Variants in SLC35A1 observed in about 807,000 individuals in gnomAD.
SLC35A1 encodes the protein CMP-sialic acid transporter.
In SLC35A1, 21 loss-of-function variants were observed where a neutral mutation model predicts 40.3. The ratio of observed to expected loss-of-function variants is 0.52; its 90% CI spans 0.37 to 0.75. The LOEUF is 0.75. SLC35A1 is among the 30% of genes least tolerant of loss of function. SLC35A1 has a pLI of 0.00. For synonymous variants in SLC35A1, 146 were observed against 147.3 expected (o/e 0.99, Z 0.06); for missense variants, 297 against 382.1 (o/e 0.78, Z 1.86).
chr6:87,500,085 C>T (rs1399967471), intron 2 of SLC35A1, among the ~76,000 whole-genome samples: 2 of 152,010 alleles, frequency 1.3e-5, no homozygotes, highest in Non-Finnish European at 1.5e-5. Flanking sequence ...CGGGGCGACA[C>T]AACAAGACTC....
chr6:87,485,957 A>G (rs1344438061), intron 2 of SLC35A1, among the ~76,000 whole-genome samples: 2 of 152,242 alleles, frequency 1.3e-5, no homozygotes, highest in South Asian at 2.1e-4. Flanking sequence ...ATTAAACTTC[A>G]TTTAAAACTA....
At chr6:87,511,367 AC>A in intron 7 of SLC35A1, 31 bp from the exon 8 acceptor site, 1 of 1,611,598 alleles carries the variant, frequency 6.2e-7, no homozygotes, top group Non-Finnish European at 8.5e-7. Context: ...AGACACACAT[AC>A]AGATAAAGCT....
intron 4 of SLC35A1, among the ~76,000 whole-genome samples, chr6:87,503,562 C>T (rs1769984162): frequency 1.3e-5 from 2 of 151,928 alleles, no homozygotes; most frequent in Admixed American, 6.6e-5. Flanking sequence ...AATACAAAAA[C>T]TTAGCTGGGC....
intron 2 of SLC35A1, among the ~76,000 whole-genome samples, chr6:87,494,043 TTG>T (rs1445150848): frequency 8.6e-5 from 13 of 151,596 alleles, no homozygotes; most frequent in African/African-American, 3.1e-4. Flanking sequence ...TTGCTGGGCC[TTG>T]TGTGTGATGT....
At chr6:87,477,662 T>G in intron 2 of SLC35A1, 123 bp downstream of exon 2, 3 of 842,274 alleles carry the variant, frequency 3.6e-6, no homozygotes, top group Non-Finnish European at 3.9e-6. Flanking sequence ...CAACTAGGGG[T>G]GATTTTGCCC....
intron 2 of SLC35A1, among the ~76,000 whole-genome samples, chr6:87,477,984 A>G (rs1338149353): frequency 6.6e-6 from 1 of 152,224 alleles, no homozygotes; most frequent in Non-Finnish European, 1.5e-5. Context: ...GTTTTGGATG[A>G]ATATAATAAT....
intron 2 of SLC35A1, among the ~76,000 whole-genome samples, chr6:87,486,648 G>A (rs1394460940): frequency 6.6e-6 from 1 of 152,120 alleles, no homozygotes. Context: ...GCCTGCATTT[G>A]GATTAAAGGG....
chr6:87,507,082 A>G (rs1012869958), intron 5 of SLC35A1: 2 of 152,434 alleles, frequency 1.3e-5, no homozygotes, highest in Non-Finnish European at 2.9e-5. Context: ...TAAGTGTAAC[A>G]TAAAAAAAGT....
intron 4 of SLC35A1, among the ~76,000 whole-genome samples, chr6:87,502,770 C>A (rs535056002): frequency 3.3e-5 from 5 of 152,092 alleles, no homozygotes; most frequent in Non-Finnish European, 7.4e-5. Flanking sequence ...CTGTGTCACC[C>A]AAATAGTTTG....
At position 87,509,129 on chromosome 6, in the gene SLC35A1, T is replaced by C. The variant is rs1317961190; in HGVS notation, c.840T>C (p.Ile280=). The C allele has an allele frequency of 6.2e-7, 1 of 1,614,180 alleles. No homozygotes were observed. The highest frequency in any genetic ancestry group is 8.5e-7 in the Non-Finnish European group (1 of 1,179,992). Residue 280 remains isoleucine (I), a synonymous_variant, in exon 7 of 8, where the codon ATT becomes ATC. Transcript: ENST00000369552. Reference sequence around the variant, plus strand: ...AAGGCTTTTCTGCAGCAGCGGCCATTGTCCTTTCCACCATTGCTTCAGTAA... The same window carrying C: ...AAGGCTTTTCTGCAGCAGCGGCCATCGTCCTTTCCACCATTGCTTCAGTAA... ...IMKGFSAAAA[I]VLSTIASVML...
intron 2 of SLC35A1, among the ~76,000 whole-genome samples, chr6:87,487,191 AAAAG>A (rs1370449263): frequency 5.9e-5 from 9 of 152,336 alleles, no homozygotes; most frequent in Admixed American, 1.3e-4. Context: ...AAAAAAAAGA[AAAAG>A]AAAGTCATTA....
intron 2 of SLC35A1, among the ~76,000 whole-genome samples, chr6:87,492,950 T>A (rs561821645): frequency 6.6e-6 from 1 of 152,316 alleles, no homozygotes; most frequent in South Asian, 2.1e-4. Context: ...GAGAGATACT[T>A]TGAGACGAGA....
At chr6:87,495,172 C>T (rs1361681853) in intron 2 of SLC35A1, among the ~76,000 whole-genome samples, 1 of 152,176 alleles carries the variant, frequency 6.6e-6, no homozygotes, top group Non-Finnish European at 1.5e-5. Flanking sequence ...GTTGTCCAGG[C>T]TGGTCTCAAA....
intron 2 of SLC35A1, among the ~76,000 whole-genome samples, chr6:87,492,460 A>G (rs538618435): frequency 6.6e-4 from 100 of 151,682 alleles, no homozygotes; most frequent in Non-Finnish European, 1.1e-3. Context: ...GGTCAGGGAT[A>G]TCATAGAAAT....
At chr6:87,488,226 AAAGTATTT>A (rs1643334323) in intron 2 of SLC35A1, 1 of 152,142 alleles carries the variant, frequency 6.6e-6, no homozygotes, top group Non-Finnish European at 1.5e-5. Context: ...TTATCACATA[AAAGTATTT>A]AATCTCATGG....
chr6:87,489,229 C>T (rs190083532), intron 2 of SLC35A1, among the ~76,000 whole-genome samples: 4 of 152,132 alleles, frequency 2.6e-5, no homozygotes, highest in African/African-American at 4.8e-5. Flanking sequence ...AATTCTATCC[C>T]CAGTGTGGTG....
At chr6:87,499,882 G>A (rs529477104) in intron 2 of SLC35A1, among the ~76,000 whole-genome samples, 3 of 152,128 alleles carry the variant, frequency 2.0e-5, no homozygotes, top group Non-Finnish European at 4.4e-5. Flanking sequence ...TTGGGAGGCC[G>A]AGGCGGGCAG....
intron 4 of SLC35A1, among the ~76,000 whole-genome samples, chr6:87,501,622 T>TAGA (rs1769925906): frequency 6.6e-6 from 1 of 152,196 alleles, no homozygotes; most frequent in Non-Finnish European, 1.5e-5. Flanking sequence ...AATTAGTTAA[T>TAGA]AGCTAACTTG....
At chr6:87,499,250 C>A in intron 2 of SLC35A1, 1 of 294,160 alleles carries the variant, frequency 3.4e-6, no homozygotes, top group Non-Finnish European at 5.1e-6. Context: ...TGAAAAAATT[C>A]AACTCACAAC....
Sources: allele counts gnomAD v4.1 joint callset (sites outside exome capture counted in the v4.1 genomes callset), GRCh38; gene constraint gnomAD v4.1.1; transcripts MANE v1.5; gene names NCBI Gene and HGNC (gene_info 2026-07-23, HGNC 2026-07-21).